Variants in RYK observed in about 807,000 individuals in gnomAD.
RYK encodes receptor like tyrosine kinase.
Under a neutral mutation model 70.2 loss-of-function variants are expected in RYK, and 21 were observed. The observed-to-expected ratio is 0.30, with a 90% CI of 0.21 to 0.43. The LOEUF is 0.43. Ranked by LOEUF, RYK falls within the 20% of genes least tolerant of loss-of-function variation. The pLI is 1.00. For missense variants in RYK, 604 were observed against 753.3 expected, an observed-to-expected ratio of 0.80 and a Z score of 2.32; for synonymous variants, 267 against 278.0, an observed-to-expected ratio of 0.96 and a Z score of 0.39.
chr3:134,176,819 G>A (rs2013118336), intron 11 of RYK, among the ~76,000 whole-genome samples: 3 of 152,120 alleles, frequency 2.0e-5, no homozygotes, highest in Admixed American at 6.5e-5. Context: ...GGGAGGCTGA[G>A]GCAGGCAGAT....
chr3:134,159,224 C>A lies in RYK; in HGVS notation c.1712+13G>T, dbSNP rs765538178. On this transcript the variant is annotated intron_variant, in intron 14 of 14. Transcript: ENST00000623711. ...GGAATAAAACTCATGCCTTCAAGCT[C>A]AAAAAAACTCACAATTCATCAGGAC... is the stretch of plus-strand genomic sequence containing the variant. 1.8e-5 allele frequency: 29 copies of A among 1,613,410 alleles called. No individual in the cohort carries two copies. The Admixed American group carries it at 3.5e-4, about 19-fold the overall frequency.
At chr3:134,231,873 G>T (rs1358934335) in intron 1 of RYK, among the ~76,000 whole-genome samples, 1 of 151,966 alleles carries the variant, frequency 6.6e-6, no homozygotes, top group East Asian at 1.9e-4. Flanking sequence ...GAGGATTCTG[G>T]GACCAGTTTA....
intron 1 of RYK, among the ~76,000 whole-genome samples, chr3:134,246,183 TC>T (rs1164034852): frequency 6.6e-6 from 1 of 150,438 alleles, no homozygotes; most frequent in Admixed American, 6.6e-5. Flanking sequence ...TGAGAACCAT[TC>T]CCCCCCTCCC....
intron 7 of RYK, among the ~76,000 whole-genome samples, chr3:134,192,479 G>C (rs1394206686): frequency 6.6e-6 from 1 of 151,804 alleles, no homozygotes; most frequent in African/African-American, 2.4e-5. Flanking sequence ...TGTTTGAAAA[G>C]GCTTTTTTCA....
At chr3:134,197,917 C>G (rs2013865059) in intron 6 of RYK, among the ~76,000 whole-genome samples, 1 of 152,234 alleles carries the variant, frequency 6.6e-6, no homozygotes, top group Non-Finnish European at 1.5e-5. Flanking sequence ...AAAGGCGTTA[C>G]AGGGACATCT....
intron 9 of RYK, among the ~76,000 whole-genome samples, chr3:134,185,411 T>C (rs1478360032): frequency 6.6e-6 from 1 of 152,254 alleles, no homozygotes; most frequent in African/African-American, 2.4e-5. Context: ...TTCGTCTTGC[T>C]TCACTTCCAT....
intron 10 of RYK, chr3:134,179,332 T>C (rs1194915268): frequency 3.3e-5 from 5 of 152,150 alleles, no homozygotes; most frequent in Non-Finnish European, 1.5e-5. Context: ...CGTGGCACAA[T>C]CACCAATGCA....
chr3:134,214,241 C>G (rs78334307), intron 2 of RYK, among the ~76,000 whole-genome samples: 1 of 152,178 alleles, frequency 6.6e-6, no homozygotes, highest in African/African-American at 2.4e-5. Context: ...TATCCTGACA[C>G]GCTAAAGAAT....
chr3:134,213,727 G>A (rs7621861), intron 2 of RYK, among the ~76,000 whole-genome samples: 9 of 152,108 alleles, frequency 5.9e-5, no homozygotes, highest in East Asian at 1.9e-4. Context: ...CAGTAGGGTC[G>A]GCACTCTTTA....
intron 5 of RYK, among the ~76,000 whole-genome samples, chr3:134,205,355 CA>C (rs1346895146): frequency 6.6e-6 from 1 of 152,142 alleles, no homozygotes; most frequent in African/African-American, 2.4e-5. Flanking sequence ...TTCCTATCAA[CA>C]AACAATAAAT....
intron 13 of RYK, among the ~76,000 whole-genome samples, chr3:134,167,672 T>C (rs758932105): frequency 6.6e-6 from 1 of 152,228 alleles, no homozygotes; most frequent in African/African-American, 2.4e-5. Flanking sequence ...ATAAAAACAA[T>C]AGAAGAAAAC....
At chr3:134,196,600 C>G (rs1311707925) in intron 6 of RYK, among the ~76,000 whole-genome samples, 5 of 151,150 alleles carry the variant, frequency 3.3e-5, no homozygotes, top group Non-Finnish European at 5.9e-5. Context: ...CACACACACA[C>G]ACACACACAC....
intron 1 of RYK, among the ~76,000 whole-genome samples, chr3:134,232,507 C>A (rs568139772): frequency 6.6e-6 from 1 of 152,116 alleles, no homozygotes; most frequent in South Asian, 2.1e-4. Context: ...CCTATGAACA[C>A]CTAATGACCA....
At chr3:134,237,420 A>G (rs1381279047) in intron 1 of RYK, among the ~76,000 whole-genome samples, 1 of 152,192 alleles carries the variant, frequency 6.6e-6, no homozygotes, top group African/African-American at 2.4e-5. Flanking sequence ...GTTTACTTGT[A>G]ACTACTTAAA....
At chr3:134,243,809 T>G (rs2015384466) in intron 1 of RYK, among the ~76,000 whole-genome samples, 1 of 152,144 alleles carries the variant, frequency 6.6e-6, no homozygotes, top group Non-Finnish European at 1.5e-5. Context: ...CAGTCAAAAG[T>G]AAGTGCTCCT....
intron 7 of RYK, among the ~76,000 whole-genome samples, chr3:134,194,449 T>G (rs1248094339): frequency 3.3e-5 from 5 of 152,166 alleles, no homozygotes; most frequent in Admixed American, 3.3e-4. Context: ...TGTCCCAGGC[T>G]TATCTTGTTC....
chr3:134,160,363 G>A (rs988268952), intron 13 of RYK, among the ~76,000 whole-genome samples: 1 of 152,012 alleles, frequency 6.6e-6, no homozygotes, highest in Non-Finnish European at 1.5e-5. Flanking sequence ...AAGGAAAAAA[G>A]AGAAATACCA....
At chr3:134,233,570 C>T (rs2015121457) in intron 1 of RYK, among the ~76,000 whole-genome samples, 1 of 152,038 alleles carries the variant, frequency 6.6e-6, no homozygotes, top group Admixed American at 6.6e-5. Context: ...CTACCAGCAA[C>T]AGAGCAATAA....
In RYK at chr3:134,195,170, G is replaced by A; in HGVS notation, c.801C>T (p.Ser267=). 6.2e-7 allele frequency: 1 copy of A among 1,611,024 alleles called. No homozygotes were observed. Residue 267 remains serine (S), a synonymous_variant, in exon 7 of 15, where the codon AGC becomes AGT. Coordinates refer to ENST00000623711, the MANE Select transcript of RYK (RefSeq NM_002958.4). ...RIELDDSISA[S]SSSQGLSQPS... ...GCTGAGACAGCCCTTGGGAACTACTGCTGGCACTAATGCTGCAAACAATTT... is the reference window on the plus strand; with the variant it reads ...GCTGAGACAGCCCTTGGGAACTACTACTGGCACTAATGCTGCAAACAATTT...
Sources: gnomAD v4.1 joint callset for allele counts (sites outside exome capture counted in the v4.1 genomes callset) on GRCh38, gnomAD v4.1.1 for gene constraint, MANE v1.5 for transcripts, NCBI Gene and HGNC (gene_info 2026-07-23, HGNC 2026-07-21) for gene names.